Variants in CDHR2 observed in about 807,000 individuals in gnomAD.
CDHR2 encodes cadherin-related family member 2.
A neutral mutation model predicts 138.6 loss-of-function variants in CDHR2; 104 were observed. That is an observed-to-expected ratio of 0.75 (90% confidence interval 0.64 to 0.88). The LOEUF (loss-of-function observed/expected upper bound fraction) is 0.88, where lower values mean the gene tolerates loss of function less well. CDHR2 is among the 40% of genes least tolerant of loss of function. CDHR2 has a pLI of 0.00. For synonymous variants in CDHR2, 755 were observed against 742.8 expected, an observed-to-expected ratio of 1.02 and a Z score of -0.27; for missense variants, 1,624 against 1,727.6, an observed-to-expected ratio of 0.94 and a Z score of 1.06.
At position 176,565,837 on chromosome 5, in the gene CDHR2, C is replaced by G. The variant is rs772819727; in HGVS notation, c.124+94C>G. On this transcript the variant is annotated intron_variant, in intron 3 of 31. Transcript: ENST00000261944. Reference sequence around the variant, plus strand: ...TGGAGCCCCCACCATGCCTGCAACTCCATGGCTTATTGTGGGACAAAGAGG... The same window carrying G: ...TGGAGCCCCCACCATGCCTGCAACTGCATGGCTTATTGTGGGACAAAGAGG... 1.7e-5 allele frequency: 15 copies of G among 885,370 alleles called. 1 individual carries two copies. The highest frequency in any genetic ancestry group is 2.7e-5 in the Non-Finnish European group (15 of 552,600). The allele number at this position is 885,370 out of a possible 1,614,324, so 54.8% of individuals were successfully genotyped here.
chr5:176,581,289 G>A, intron 16 of CDHR2, 54 bp from the exon 17 acceptor site: 2 of 1,601,242 alleles, frequency 1.2e-6, no homozygotes, highest in Admixed American at 1.7e-5. Context: ...CATCGGAGGG[G>A]CTGGGGGCTG....
At chr5:176,579,760 G>T (rs527598094) in intron 16 of CDHR2, among the ~76,000 whole-genome samples, 1 of 152,120 alleles carries the variant, frequency 6.6e-6, no homozygotes, top group Non-Finnish European at 1.5e-5. Context: ...TGGTTGAGTC[G>T]GAGTGGTCCC....
At chr5:176,551,062 T>G (rs1322873817) in intron 1 of CDHR2, among the ~76,000 whole-genome samples, 1 of 152,192 alleles carries the variant, frequency 6.6e-6, no homozygotes, top group African/African-American at 2.4e-5. Flanking sequence ...CAGGCTGGAG[T>G]GCAAGGCGCT....
In CDHR2 at chr5:176,584,729, C is replaced by A. The variant is rs748060476; in HGVS notation, c.2448C>A (p.Ile816=). ...PTLDVASLRG[I]RVAENGSQHG... is the part of the protein sequence containing the mutation. ...TGGATGTAGCCTCACTCCGGGGCAT[C>A]CGTGTGGCTGAGAATGGCTCACAGC... is the stretch of plus-strand genomic sequence containing the variant. The change falls in exon 19 of 32, where the codon ATC becomes ATA. Residue 816 remains isoleucine (I), a synonymous_variant. Transcript: ENST00000261944. 1.2e-6 allele frequency: 2 copies of A among 1,614,090 alleles called. No individual in the cohort carries two copies. Among genetic ancestry groups the A allele is most frequent in the Non-Finnish European group, 1.7e-6 (2 of 1,180,048 alleles).
Position 176,576,211 on chromosome 5 carries a change from C to T in CDHR2, c.1194+26C>T, listed in dbSNP as rs751111245. ...GCAGGCGTGGTGGCGTGGGTGTGGG[C>T]GGGGGTGGCTGGGGGAGGCCAGTGG... On this transcript the variant is annotated intron_variant, in intron 12 of 31. Transcript: ENST00000261944. The surrounding 1 kb of genome is among the most constrained non-coding windows in gnomAD (Gnocchi z 4.5). The T allele has an allele frequency of 1.4e-4, 94 of 689,256 alleles. No individual in the cohort carries two copies. The highest frequency in any genetic ancestry group is 3.7e-4 in the Admixed American group (19 of 51,434). The allele number at this position is 689,256 out of a possible 1,614,324, so 42.7% of individuals were successfully genotyped here. A position where few individuals can be genotyped will look rare whatever the true frequency, so the allele number is the denominator to read the frequency against.
At position 176,565,206 on chromosome 5, in the gene CDHR2, G is replaced by A. The variant is rs1561869404; in HGVS notation, c.-15-132G>A. The A allele has an allele frequency of 5.8e-6, 4 of 684,348 alleles. No homozygotes were observed. The East Asian group carries it at 1.0e-4, about 18-fold the overall frequency. 42.4% of individuals were successfully genotyped at this position (684,348 alleles called of 1,614,324 possible). A position where few individuals can be genotyped will look rare whatever the true frequency, so the allele number is the denominator to read the frequency against. On this transcript the variant is annotated intron_variant, in intron 1 of 31. Transcript: ENST00000261944. ...AGAGCATCTGGAAAATGGACAGAGG[G>A]TGATAGAGGCCCTGGGGGAGAACTA...
Position 176,553,630 on chromosome 5 carries a change from C to T in CDHR2, c.-16+4216C>T, listed in dbSNP as rs935744365. Among the ~76,000 whole-genome samples the T allele has an allele frequency of 1.3e-5, 2 of 152,094 alleles. No individual in the cohort carries two copies. Among genetic ancestry groups the T allele is most frequent in the Non-Finnish European group, 2.9e-5 (2 of 67,998 alleles). On this transcript the variant is annotated intron_variant, in intron 1 of 31. Transcript: ENST00000261944. The surrounding 1 kb of genome is among the most constrained non-coding windows in gnomAD (Gnocchi z 4.3). Reference sequence around the variant, plus strand: ...GCCTCAGAGGGATGCCTGGGCTGGACGCATCCAGCCCCTGGCTGTTCCTTA... The same window carrying T: ...GCCTCAGAGGGATGCCTGGGCTGGATGCATCCAGCCCCTGGCTGTTCCTTA...
At chr5:176,551,103 G>C (rs747856972) in intron 1 of CDHR2, among the ~76,000 whole-genome samples, 1 of 152,192 alleles carries the variant, frequency 6.6e-6, no homozygotes, top group Non-Finnish European at 1.5e-5. Context: ...GTGCCTCCCT[G>C]GTTCAAACGA....
chr5:176,580,706 C>G (rs1318930215), intron 16 of CDHR2, among the ~76,000 whole-genome samples: 2 of 151,370 alleles, frequency 1.3e-5, no homozygotes, highest in African/African-American at 4.9e-5. Flanking sequence ...GAAACCCCAT[C>G]TCTACTAAAA....
chr5:176,552,002 G>A (rs1343742313), intron 1 of CDHR2, among the ~76,000 whole-genome samples: 2 of 152,108 alleles, frequency 1.3e-5, no homozygotes, highest in Non-Finnish European at 2.9e-5. Context: ...GAGTCACCGC[G>A]CCCGGTTAAT....
At position 176,590,789 on chromosome 5, in the gene CDHR2, TACATGCATTC is replaced by T. The variant is rs1758825949; in HGVS notation, c.3539+105_3539+114del. ...AGGAGCTGGGGCTTAGGCACAGGTA[TACATGCATTC>T]ACTCCCCAGTGACCCAGTGCGAGAT... On this transcript the variant is annotated intron_variant, in intron 28 of 31. Coordinates refer to ENST00000261944, the MANE Select transcript of CDHR2 (RefSeq NM_017675.6). 2.7e-6 allele frequency: 4 copies of T among 1,488,792 alleles called. No homozygotes were observed. The Admixed American group carries it at 6.9e-5, about 26-fold the overall frequency. 92.2% of individuals were successfully genotyped at this position (1,488,792 alleles called of 1,614,324 possible). A position where few individuals can be genotyped will look rare whatever the true frequency, so the allele number is the denominator to read the frequency against.
Position 176,591,268 on chromosome 5 carries a change from G to C in CDHR2, c.3598G>C (p.Gly1200Arg). The change falls in exon 29 of 32, where the codon GGG (glycine) becomes CGG (arginine). Residue 1200 changes from glycine to arginine, a missense_variant. Coordinates refer to ENST00000261944, the MANE Select transcript of CDHR2 (RefSeq NM_017675.6). ...CAAGGAGGCCAGGAAGACAGCAGCA[G>C]GGGTGATGCCCTCAGCCCCTGCCAT... ...AAKEARKTAA[G>R]VMPSAPAIPG... 6.2e-7 allele frequency: 1 copy of C among 1,614,078 alleles called. No individual in the cohort carries two copies. Among genetic ancestry groups the C allele is most frequent in the Non-Finnish European group, 8.5e-7 (1 of 1,180,026 alleles).
In CDHR2 at chr5:176,590,075, C is replaced by T. The variant is rs750449279; in HGVS notation, c.3207-3C>T. ...GCCTCTGTGACATCTGCCTTCTTTG[C>T]AGGGCTCTTACCCAGGCAACCAGGA... On this transcript the variant is annotated splice_polypyrimidine_tract_variant and splice_region_variant and intron_variant, in intron 24 of 31. Transcript: ENST00000261944. The T allele has an allele frequency of 3.7e-6, 6 of 1,613,246 alleles. No individual in the cohort carries two copies. Among genetic ancestry groups the T allele is most frequent in the East Asian group, 2.2e-5 (1 of 44,872 alleles).
chr5:176,556,544 A>G (rs937949603), intron 1 of CDHR2, among the ~76,000 whole-genome samples: 1 of 152,184 alleles, frequency 6.6e-6, no homozygotes, highest in African/African-American at 2.4e-5. Context: ...AGGCACCTGT[A>G]GTCCCAGCTA....
chr5:176,556,475 G>A (rs1243194068), intron 1 of CDHR2, among the ~76,000 whole-genome samples: 2 of 152,214 alleles, frequency 1.3e-5, no homozygotes, highest in African/African-American at 4.8e-5. Flanking sequence ...GACCATCCCG[G>A]CTAACATGGT....
rs748164417 is a variant in CDHR2 at position 176,568,712 on chromosome 5, G to T, written c.159G>T (p.Gln53His). ...AQAFWLVAED[Q>H]DNDPLTYGMS... ...CCTTCTGGTTGGTAGCGGAAGACCA[G>T]GACAATGACCCTCTGACCTATGGGA... Residue 53 changes from glutamine to histidine, a missense_variant, in exon 4 of 32, where the codon CAG (glutamine) becomes CAT (histidine). By Grantham distance (24) the Gln-to-His change is conservative (BLOSUM62 0). Coordinates refer to ENST00000261944, the MANE Select transcript of CDHR2 (RefSeq NM_017675.6). 6.2e-7 allele frequency: 1 copy of T among 1,614,240 alleles called. No homozygotes were observed. The highest frequency in any genetic ancestry group is 8.5e-7 in the Non-Finnish European group (1 of 1,180,040).
intron 5 of CDHR2, among the ~76,000 whole-genome samples, chr5:176,570,764 C>T (rs1758206593): frequency 6.6e-6 from 1 of 152,062 alleles, no homozygotes. Flanking sequence ...GCAGCCTGAC[C>T]AACATGGTAA....
upstream of CDHR2, among the ~76,000 whole-genome samples, chr5:176,546,591 T>C (rs972931832): frequency 6.6e-6 from 1 of 151,616 alleles, no homozygotes; most frequent in Admixed American, 6.6e-5. Context: ...ATTGTGAATA[T>C]ACAGTAGATA....
At chr5:176,566,923 A>C (rs1184124791) in intron 3 of CDHR2, 1 of 456,252 alleles carries the variant, frequency 2.2e-6, no homozygotes, top group Admixed American at 2.3e-5. Context: ...ATATTGGGGG[A>C]CAAGCCACAG....
Sources: gnomAD v4.1 joint callset for allele counts (sites outside exome capture counted in the v4.1 genomes callset) on GRCh38, gnomAD v4.1.1 for gene constraint, Gnocchi (gnomAD v3.1) non-coding constraint, MANE v1.5 for transcripts, NCBI Gene and HGNC (gene_info 2026-07-23, HGNC 2026-07-21) for gene names.